Variants in AFF3 observed in about 807,000 individuals in gnomAD.
AFF3 encodes the protein AF4/FMR2 family member 3.
A neutral mutation model predicts 129.7 loss-of-function variants in AFF3; 32 were observed. The observed-to-expected ratio is 0.25, with a 90% confidence interval of 0.19 to 0.33. The LOEUF (loss-of-function observed/expected upper bound fraction) is 0.33. Ranked by LOEUF, AFF3 falls within the 10% of genes least tolerant of loss-of-function variation. The probability of loss-of-function intolerance (pLI) is 1.00; values close to 1 mark genes in which losing one functional copy is unlikely to be tolerated. For synonymous variants in AFF3, 644 were observed against 635.4 expected (o/e 1.01, Z -0.20); for missense variants, 1,373 against 1,592.0 (o/e 0.86, Z 2.34).
chr2:99,921,941 CAA>C (rs1217370071), intron 7 of AFF3, among the ~76,000 whole-genome samples: 1 of 151,980 alleles, frequency 6.6e-6, no homozygotes, highest in Non-Finnish European at 1.5e-5. Flanking sequence ...AGCACATGGC[CAA>C]TAAGCACATG....
At chr2:100,140,394 T>C (rs1692810287) in intron 1 of AFF3, among the ~76,000 whole-genome samples, 1 of 152,222 alleles carries the variant, frequency 6.6e-6, no homozygotes, top group South Asian at 2.1e-4. Flanking sequence ...TCTTAAACTC[T>C]CTGAAACTGG....
rs2104668849 is a variant in AFF3 at position 99,568,929 on chromosome 2, A to C, written c.2919-14T>G. On this transcript the variant is annotated splice_polypyrimidine_tract_variant and intron_variant, in intron 18 of 24. Coordinates refer to ENST00000672756, the MANE Select transcript of AFF3 (RefSeq NM_001386135.1). ...GCACTGCGAGGCCTACAAGGAGAGA[A>C]TGATATTAAACGTCATTATGGCTTA... is the stretch of plus-strand genomic sequence containing the variant. The C allele has an allele frequency of 1.2e-6, 2 of 1,612,948 alleles. No homozygotes were observed. The highest frequency in any genetic ancestry group is 1.7e-6 in the Non-Finnish European group (2 of 1,178,970).
At chr2:99,587,387 G>A in intron 15 of AFF3, 109 bp from the exon 16 acceptor site, 1 of 1,363,400 alleles carries the variant, frequency 7.3e-7, no homozygotes, top group Non-Finnish European at 1.0e-6. Flanking sequence ...CCACTCACCT[G>A]GCTTCCCCGA....
intron 7 of AFF3, among the ~76,000 whole-genome samples, chr2:99,899,199 G>T (rs773378099): frequency 6.6e-6 from 1 of 152,108 alleles, no homozygotes; most frequent in African/African-American, 2.4e-5. Context: ...CTACTTTCAC[G>T]CCACATTCAC....
In AFF3 at chr2:100,049,162, C is replaced by A. The variant is rs537506771; in HGVS notation, c.54-40230G>T. Among the ~76,000 whole-genome samples, 185 of 152,270 alleles carry A rather than the reference C, an allele frequency of 1.2e-3. 1 individual carries two copies. Among genetic ancestry groups the A allele is most frequent in the Non-Finnish European group, 1.4e-3 (98 of 68,032 alleles). ...CCTTAATCACAAAAGGAAGAAAGAACCTTATAGCACAGAGAAATCTGGTGG... is the reference window on the plus strand; with the variant it reads ...CCTTAATCACAAAAGGAAGAAAGAAACTTATAGCACAGAGAAATCTGGTGG... On this transcript the variant is annotated intron_variant, in intron 4 of 24. Transcript: ENST00000672756.
intron 2 of AFF3, among the ~76,000 whole-genome samples, chr2:100,124,983 A>G (rs947434536): frequency 6.6e-6 from 1 of 152,234 alleles, no homozygotes; most frequent in Non-Finnish European, 1.5e-5. Context: ...TGACTTCATC[A>G]GTCAATGACA....
chr2:99,907,188 A>G (rs1327642636), intron 7 of AFF3, among the ~76,000 whole-genome samples: 3 of 152,182 alleles, frequency 2.0e-5, no homozygotes, highest in African/African-American at 4.8e-5. Context: ...GTGGAAAGTT[A>G]CAACCCTTCC....
At chr2:99,679,470 G>T (rs1674328356) in intron 11 of AFF3, among the ~76,000 whole-genome samples, 1 of 152,106 alleles carries the variant, frequency 6.6e-6, no homozygotes, top group Non-Finnish European at 1.5e-5. Context: ...TCCTACCCTA[G>T]AAGAACCTCA....
At chr2:99,939,999 T>C (rs982917735) in intron 7 of AFF3, among the ~76,000 whole-genome samples, 1 of 152,200 alleles carries the variant, frequency 6.6e-6, no homozygotes, top group Non-Finnish European at 1.5e-5. Context: ...AAGTTAATTT[T>C]GGGGAAACAA....
At chr2:100,030,898 T>C (rs1684436717) in intron 4 of AFF3, among the ~76,000 whole-genome samples, 1 of 152,198 alleles carries the variant, frequency 6.6e-6, no homozygotes, top group Non-Finnish European at 1.5e-5. Flanking sequence ...CTATTCTGTA[T>C]GATACTGTAA....
intron 4 of AFF3, among the ~76,000 whole-genome samples, chr2:100,094,453 A>T (rs1253592737): frequency 6.6e-6 from 1 of 152,140 alleles, no homozygotes; most frequent in Non-Finnish European, 1.5e-5. Context: ...CTGTGAGAAT[A>T]TAATGCCAGT....
chr2:99,585,470 T>C (rs1678008019), intron 16 of AFF3, among the ~76,000 whole-genome samples: 1 of 152,192 alleles, frequency 6.6e-6, no homozygotes, highest in Non-Finnish European at 1.5e-5. Flanking sequence ...ATATGCATTG[T>C]GTCACCACTT....
chr2:99,966,775 T>G (rs1677823407), intron 7 of AFF3, among the ~76,000 whole-genome samples: 1 of 150,282 alleles, frequency 6.7e-6, no homozygotes, highest in Non-Finnish European at 1.5e-5. Flanking sequence ...AGAGATATTA[T>G]TTTTAAGTCA....
At chr2:99,723,858 C>A (rs1679117182) in intron 11 of AFF3, among the ~76,000 whole-genome samples, 1 of 152,082 alleles carries the variant, frequency 6.6e-6, no homozygotes, top group Non-Finnish European at 1.5e-5. Flanking sequence ...TGACTGCTGA[C>A]TATATAAACA....
At chr2:99,717,022 CTTTCA>C (rs1223472487) in intron 11 of AFF3, among the ~76,000 whole-genome samples, 1 of 152,156 alleles carries the variant, frequency 6.6e-6, no homozygotes, top group Non-Finnish European at 1.5e-5. Flanking sequence ...TGTCTGGCTT[CTTTCA>C]TTTAACATAA....
chr2:99,820,514 C>A (rs749349924), intron 8 of AFF3, among the ~76,000 whole-genome samples: 8 of 151,920 alleles, frequency 5.3e-5, no homozygotes, highest in Admixed American at 2.6e-4. Flanking sequence ...TTACCGTACA[C>A]TACTGTAGAC....
chr2:99,804,952 C>T (rs909829106), intron 8 of AFF3, among the ~76,000 whole-genome samples: 6 of 151,858 alleles, frequency 4.0e-5, no homozygotes, highest in African/African-American at 1.2e-4. Flanking sequence ...GAAATGCGGG[C>T]AAGGGATAAA....
chr2:99,959,050 T>C (rs952583544), intron 7 of AFF3, among the ~76,000 whole-genome samples: 4 of 151,856 alleles, frequency 2.6e-5, no homozygotes, highest in African/African-American at 9.7e-5. Flanking sequence ...TGAGCTGTGA[T>C]TGCACCACTG....
At chr2:99,605,206 C>T (rs1680209807) in intron 13 of AFF3, among the ~76,000 whole-genome samples, 1 of 152,224 alleles carries the variant, frequency 6.6e-6, no homozygotes, top group Non-Finnish European at 1.5e-5. Context: ...ACGAAATTCA[C>T]TTAAAATGAC....
Sources: gnomAD v4.1 joint callset for allele counts (sites outside exome capture counted in the v4.1 genomes callset) on GRCh38, gnomAD v4.1.1 for gene constraint, MANE v1.5 for transcripts, NCBI Gene and HGNC (gene_info 2026-07-23, HGNC 2026-07-21) for gene names.